Variants in AGBL4 observed in about 807,000 individuals in gnomAD.
AGBL4 encodes the protein AGBL carboxypeptidase 4.
AGBL4 carries 58 observed loss-of-function variants against 66.4 expected under a neutral mutation model. That is an observed-to-expected ratio of 0.87 (90% CI 0.71 to 1.09). AGBL4 has a LOEUF of 1.09. Among genes scored for constraint, AGBL4 ranks in the 50% least tolerant of loss-of-function variants. The probability of loss-of-function intolerance (pLI) is 0.00; values close to 1 mark genes in which losing one functional copy is unlikely to be tolerated. For synonymous variants in AGBL4, 234 were observed against 222.9 expected (o/e 1.05, Z -0.44); for missense variants, 579 against 631.0 (o/e 0.92, Z 0.88).
chr1:49,350,826 C>T (rs1271598422), intron 3 of AGBL4, among the ~76,000 whole-genome samples: 1 of 151,990 alleles, frequency 6.6e-6, no homozygotes, highest in Non-Finnish European at 1.5e-5. Context: ...TCAATAGGAC[C>T]AGGACAGGAC....
At chr1:48,904,966 T>A (rs1652446456) in intron 5 of AGBL4, among the ~76,000 whole-genome samples, 1 of 152,166 alleles carries the variant, frequency 6.6e-6, no homozygotes, top group Admixed American at 6.5e-5. Flanking sequence ...TCTCCAATAA[T>A]AAATGTGATC....
At chr1:49,115,107 A>C (rs1223722733) in intron 4 of AGBL4, among the ~76,000 whole-genome samples, 1 of 152,212 alleles carries the variant, frequency 6.6e-6, no homozygotes, top group Non-Finnish European at 1.5e-5. Flanking sequence ...AAGTGCAATA[A>C]AGCAAAATGC....
chr1:49,861,195 T>C (rs2148084765), intron 1 of AGBL4, among the ~76,000 whole-genome samples: 1 of 152,126 alleles, frequency 6.6e-6, no homozygotes, highest in Non-Finnish European at 1.5e-5. Flanking sequence ...TCAAAGGCAG[T>C]CTAGGCCATA....
At chr1:49,169,968 T>G (rs935954151) in intron 4 of AGBL4, among the ~76,000 whole-genome samples, 1 of 151,884 alleles carries the variant, frequency 6.6e-6, no homozygotes, top group Non-Finnish European at 1.5e-5. Context: ...ATAATGGATT[T>G]TGGAGACTCA....
intron 6 of AGBL4, among the ~76,000 whole-genome samples, chr1:48,815,212 C>T (rs1457534271): frequency 6.6e-6 from 1 of 152,064 alleles, no homozygotes; most frequent in African/African-American, 2.4e-5. Context: ...AATGTCTGTT[C>T]AGATCATTTG....
chr1:48,757,040 A>G (rs1183378592), intron 6 of AGBL4, among the ~76,000 whole-genome samples: 1 of 152,200 alleles, frequency 6.6e-6, no homozygotes, highest in Non-Finnish European at 1.5e-5. Flanking sequence ...TAATGATGTA[A>G]AATGCAGGGT....
chr1:48,781,202 G>A (rs1024822716), intron 6 of AGBL4, among the ~76,000 whole-genome samples: 2 of 150,848 alleles, frequency 1.3e-5, no homozygotes, highest in African/African-American at 4.8e-5. Flanking sequence ...CGATGGACCC[G>A]GATGCTGACA....
chr1:48,776,530 C>A (rs1360038599), intron 6 of AGBL4: 5 of 1,122,782 alleles, frequency 4.5e-6, no homozygotes, highest in Non-Finnish European at 5.9e-6. Flanking sequence ...CGGTCCCCTC[C>A]GCCCGGGCCC....
intron 1 of AGBL4, among the ~76,000 whole-genome samples, chr1:49,935,398 G>A (rs1653869740): frequency 6.6e-6 from 1 of 152,224 alleles, no homozygotes; most frequent in Admixed American, 6.5e-5. Context: ...CTCCACCTCT[G>A]GGGGCAGGGC....
chr1:49,383,771 A>C (rs1644672996), intron 3 of AGBL4, among the ~76,000 whole-genome samples: 1 of 151,766 alleles, frequency 6.6e-6, no homozygotes. Context: ...GCAAAAAAGA[A>C]AAAATAAACA....
chr1:49,159,217 T>A (rs975392844), intron 4 of AGBL4, among the ~76,000 whole-genome samples: 1 of 152,112 alleles, frequency 6.6e-6, no homozygotes, highest in African/African-American at 2.4e-5. Context: ...TTCCTTTCCA[T>A]ATTTAGTGCT....
intron 1 of AGBL4, among the ~76,000 whole-genome samples, chr1:49,920,391 A>C (rs1194469647): frequency 6.6e-6 from 1 of 152,224 alleles, no homozygotes; most frequent in Admixed American, 6.5e-5. Context: ...ACAAATTTAC[A>C]AGAAAAGAAA....
chr1:48,967,196 G>A (rs1658515131), intron 5 of AGBL4, among the ~76,000 whole-genome samples: 1 of 151,938 alleles, frequency 6.6e-6, no homozygotes, highest in African/African-American at 2.4e-5. Context: ...TAATTCCCTT[G>A]ATTGATTTCA....
At chr1:49,598,065 T>C (rs913534080) in intron 3 of AGBL4, among the ~76,000 whole-genome samples, 1 of 152,078 alleles carries the variant, frequency 6.6e-6, no homozygotes, top group Non-Finnish European at 1.5e-5. Flanking sequence ...TGAATAAGAG[T>C]GGTTAGAGAG....
chr1:48,653,354 G>C lies in AGBL4; in HGVS notation c.822C>G (p.Val274=). 6.3e-7 allele frequency: 1 copy of C among 1,579,396 alleles called. No homozygotes were observed. The highest frequency in any genetic ancestry group is 8.6e-7 in the Non-Finnish European group (1 of 1,161,636). The change falls in exon 8 of 14, where the codon GTC becomes GTG. Residue 274 remains valine (V), a synonymous_variant. Coordinates refer to ENST00000371839, the MANE Select transcript of AGBL4 (RefSeq NM_032785.4). Reference sequence around the variant, plus strand: ...TTCCTTACCTGTAATTGCCCAGGTAGACTCCATCAGGATTGAGCATTGGTG... The same window carrying C: ...TTCCTTACCTGTAATTGCCCAGGTACACTCCATCAGGATTGAGCATTGGTG... ...KIAPMLNPDG[V]YLGNYRCSLM...
chr1:49,070,207 A>G (rs58853758), intron 4 of AGBL4, among the ~76,000 whole-genome samples: 5,433 of 151,842 alleles, frequency 0.036, 367 homozygotes, highest in African/African-American at 0.11. Context: ...CTCTTTTCCT[A>G]TTGAATACCC....
rs142358528 is a variant in AGBL4 at position 48,686,344 on chromosome 1, T to C, written c.635-23103A>G. ...TGAACTCTTTACCTCCCTCTCTAGA[T>C]GGATGCTCTTTGCACTTTGTCTTGC... On this transcript the variant is annotated intron_variant, in intron 6 of 13. Transcript: ENST00000371839. 2.7e-3 allele frequency among the ~76,000 whole-genome samples: 414 copies of C among 152,330 alleles called. 3 individuals are homozygous for C. Among genetic ancestry groups the C allele is most frequent in the African/African-American group, 9.5e-3 (397 of 41,572 alleles).
At chr1:48,713,566 G>A (rs1647000987) in intron 6 of AGBL4, among the ~76,000 whole-genome samples, 1 of 152,176 alleles carries the variant, frequency 6.6e-6, no homozygotes, top group South Asian at 2.1e-4. Context: ...GTTTTCCAGA[G>A]AATGAGCCCT....
chr1:48,694,716 C>T (rs2148497330), intron 6 of AGBL4, among the ~76,000 whole-genome samples: 1 of 152,308 alleles, frequency 6.6e-6, no homozygotes, highest in South Asian at 2.1e-4. Flanking sequence ...CTGTGCCAGG[C>T]CCTGGGCCAG....
Sources: allele counts gnomAD v4.1 joint callset (sites outside exome capture counted in the v4.1 genomes callset), GRCh38; gene constraint gnomAD v4.1.1; transcripts MANE v1.5; gene names NCBI Gene and HGNC (gene_info 2026-07-23, HGNC 2026-07-21).